GRIP1: variants seen among roughly 807,000 people sequenced by gnomAD.
GRIP1 encodes the protein glutamate receptor-interacting protein 1.
A neutral mutation model predicts 129.9 loss-of-function variants in GRIP1; 45 were observed. The observed-to-expected ratio is 0.35, with a 90% confidence interval of 0.27 to 0.44. The LOEUF (loss-of-function observed/expected upper bound fraction) is 0.44. Ranked by LOEUF, GRIP1 falls within the 20% of genes least tolerant of loss-of-function variation. The probability of loss-of-function intolerance (pLI) is 1.00; values close to 1 mark genes in which losing one functional copy is unlikely to be tolerated. For missense variants in GRIP1, 1,196 were observed against 1,396.8 expected, an observed-to-expected ratio of 0.86 and a Z score of 2.29; for synonymous variants, 530 against 520.8, an observed-to-expected ratio of 1.02 and a Z score of -0.24.
chr12:67,030,676 C>T (rs927322842), intron 1 of GRIP1, among the ~76,000 whole-genome samples: 10 of 152,174 alleles, frequency 6.6e-5, no homozygotes, highest in Non-Finnish European at 1.2e-4. Flanking sequence ...ATTTAAATTA[C>T]CTTGCTTCTA....
At chr12:66,660,077 T>C (rs1350096277) in intron 1 of GRIP1, among the ~76,000 whole-genome samples, 1 of 152,212 alleles carries the variant, frequency 6.6e-6, no homozygotes, top group Non-Finnish European at 1.5e-5. Flanking sequence ...ATGATTCTCA[T>C]GTTGATGCCT....
In GRIP1 at chr12:67,002,218, T is replaced by C. The variant is rs192950221; in HGVS notation, c.58+66832A>G. On this transcript the variant is annotated intron_variant, in intron 1 of 1. Coordinates refer to the GRIP1 transcript ENST00000643019. Reference sequence around the variant, plus strand: ...AACTAATTTTTATTCAAAAGAATTGTAGCACAACTATTTTTTCCCACTCAA... The same window carrying C: ...AACTAATTTTTATTCAAAAGAATTGCAGCACAACTATTTTTTCCCACTCAA... 5.3e-5 allele frequency among the ~76,000 whole-genome samples: 8 copies of C among 152,342 alleles called. No individual in the cohort carries two copies. In the East Asian group the frequency reaches 1.2e-3, roughly 22 times the overall value.
chr12:66,529,328 T>C (rs1274140890), intron 5 of GRIP1, among the ~76,000 whole-genome samples: 2 of 152,188 alleles, frequency 1.3e-5, no homozygotes, highest in Non-Finnish European at 2.9e-5. Flanking sequence ...ACAAAAAAGA[T>C]ACTTGCACAT....
intron 1 of GRIP1, among the ~76,000 whole-genome samples, chr12:67,026,228 A>G (rs1334128895): frequency 6.6e-6 from 1 of 152,262 alleles, no homozygotes; most frequent in Non-Finnish European, 1.5e-5. Flanking sequence ...TAAAACATTG[A>G]AAAACATAAA....
intron 2 of GRIP1, 96 bp from the exon 3 acceptor site, chr12:66,542,046 A>C: frequency 8.8e-7 from 1 of 1,138,870 alleles, no homozygotes. Context: ...TTCTTTTATG[A>C]GAAAAGATAT....
chr12:66,933,627 A>T (rs1252731054), intron 1 of GRIP1, among the ~76,000 whole-genome samples: 2 of 152,182 alleles, frequency 1.3e-5, no homozygotes, highest in African/African-American at 4.8e-5. Flanking sequence ...AATGAAATGA[A>T]AAAAGCCACA....
intron 1 of GRIP1, among the ~76,000 whole-genome samples, chr12:66,747,576 T>C (rs1197842677): frequency 6.6e-6 from 1 of 152,096 alleles, no homozygotes; most frequent in Non-Finnish European, 1.5e-5. Context: ...CAACAGGGAA[T>C]GGAAAATGGG....
intron 2 of GRIP1, among the ~76,000 whole-genome samples, chr12:66,542,780 A>C (rs1377501329): frequency 6.6e-6 from 1 of 152,210 alleles, no homozygotes; most frequent in Non-Finnish European, 1.5e-5. Context: ...CTGTTTTAAA[A>C]TTATCTGTGA....
chr12:66,808,610 T>C (rs374239770), upstream of GRIP1, among the ~76,000 whole-genome samples: 1 of 152,022 alleles, frequency 6.6e-6, no homozygotes, highest in Non-Finnish European at 1.5e-5. Flanking sequence ...GTTTTGTTTT[T>C]TTTTAAACTG....
chr12:66,428,912 G>C (rs1373788492), intron 14 of GRIP1, among the ~76,000 whole-genome samples: 1 of 152,172 alleles, frequency 6.6e-6, no homozygotes, highest in African/African-American at 2.4e-5. Context: ...AGGAAGGTGT[G>C]AGCTCTGGGA....
chr12:66,399,507 A>G (rs1384520891), intron 16 of GRIP1, among the ~76,000 whole-genome samples: 1 of 152,008 alleles, frequency 6.6e-6, no homozygotes, highest in African/African-American at 2.4e-5. Flanking sequence ...GCAGATGTTA[A>G]TGATATTATA....
intron 1 of GRIP1, among the ~76,000 whole-genome samples, chr12:66,598,816 A>C (rs1375193335): frequency 5.9e-5 from 9 of 152,204 alleles, no homozygotes; most frequent in Admixed American, 5.9e-4. Context: ...TGGAAGCCTA[A>C]AAGATTTCCT....
chr12:66,834,528 A>T lies in GRIP1; in HGVS notation c.58+234522T>A, dbSNP rs558484796. ...CGCCCTTAGGATCAAAGAAAATCCA[A>T]GTTTTACTTAAATAGTTAATTAATC... is the stretch of plus-strand genomic sequence containing the variant. On this transcript the variant is annotated intron_variant, in intron 1 of 1. Transcript: ENST00000643019. Among the ~76,000 whole-genome samples the T allele has an allele frequency of 2.6e-5, 4 of 152,362 alleles. No homozygotes were observed. The East Asian group carries it at 7.7e-4, about 29-fold the overall frequency.
intron 1 of GRIP1, among the ~76,000 whole-genome samples, chr12:66,901,395 C>T (rs201344958): frequency 1.3e-5 from 2 of 152,228 alleles, no homozygotes; most frequent in East Asian, 3.8e-4. Context: ...TCAATCACTC[C>T]GTGTGGACAC....
intron 1 of GRIP1, among the ~76,000 whole-genome samples, chr12:66,706,376 G>A (rs538006257): frequency 1.3e-4 from 20 of 151,966 alleles, no homozygotes; most frequent in African/African-American, 4.6e-4. Context: ...ATAGATGCTG[G>A]TGAGGCTGTG....
intron 23 of GRIP1, among the ~76,000 whole-genome samples, chr12:66,369,340 CT>C (rs758593628): frequency 0.023 from 2,404 of 106,662 alleles, 35 homozygotes; most frequent in African/African-American, 0.069. Flanking sequence ...TTAACAAGAT[CT>C]TTTTTTTTTT....
chr12:66,428,851 A>T (rs2058062984), intron 14 of GRIP1, among the ~76,000 whole-genome samples: 1 of 152,216 alleles, frequency 6.6e-6, no homozygotes, highest in African/African-American at 2.4e-5. Context: ...TGATAATGGG[A>T]TGTGACAGAG....
intron 1 of GRIP1, among the ~76,000 whole-genome samples, chr12:66,840,106 A>T (rs1478133951): frequency 6.6e-6 from 1 of 152,172 alleles, no homozygotes; most frequent in African/African-American, 2.4e-5. Flanking sequence ...CAAGCCCATA[A>T]GTGCCTCAAG....
chr12:67,060,847 G>GAAA (rs1565661363), intron 1 of GRIP1, among the ~76,000 whole-genome samples: 4 of 146,704 alleles, frequency 2.7e-5, no homozygotes, highest in African/African-American at 5.1e-5. Context: ...AAAAAAAAAT[G>GAAA]TGTTGGCAGT....
Sources: allele counts gnomAD v4.1 joint callset (sites outside exome capture counted in the v4.1 genomes callset), GRCh38; gene constraint gnomAD v4.1.1; transcripts MANE v1.5; gene names NCBI Gene and HGNC (gene_info 2026-07-23, HGNC 2026-07-21).